MPP7: variants seen among roughly 807,000 people sequenced by gnomAD.
The protein encoded by MPP7 is MAGUK p55 scaffold protein 7, also known as MAGUK p55 subfamily member 7.
In MPP7, 60 loss-of-function variants were observed where a neutral mutation model predicts 76.5. The observed-to-expected ratio is 0.78, with a 90% CI of 0.64 to 0.97. The LOEUF (loss-of-function observed/expected upper bound fraction) is 0.97. Among genes scored for constraint, MPP7 ranks in the 50% least tolerant of loss-of-function variants. The pLI is 0.00. For synonymous variants in MPP7, 237 were observed against 244.5 expected, an observed-to-expected ratio of 0.97 and a Z score of 0.29; for missense variants, 641 against 694.0, an observed-to-expected ratio of 0.92 and a Z score of 0.86.
intron 3 of MPP7, among the ~76,000 whole-genome samples, chr10:28,152,279 T>C (rs1209830713): frequency 6.6e-6 from 1 of 152,192 alleles, no homozygotes; most frequent in Non-Finnish European, 1.5e-5. Context: ...TTTTAAATGT[T>C]CTAGAATTTC....
At chr10:28,084,980 C>G (rs937104777) in intron 12 of MPP7, among the ~76,000 whole-genome samples, 8 of 152,132 alleles carry the variant, frequency 5.3e-5, no homozygotes, top group African/African-American at 1.9e-4. Context: ...TAGACGTGGG[C>G]AGGATTCAAG....
At chr10:28,200,961 CCACA>C (rs1324977965) in intron 3 of MPP7, among the ~76,000 whole-genome samples, 1 of 152,140 alleles carries the variant, frequency 6.6e-6, no homozygotes, top group African/African-American at 2.4e-5. Context: ...TATCCAACTT[CCACA>C]CAGTCAACTT....
At chr10:28,075,762 G>A (rs575224705) in intron 12 of MPP7, among the ~76,000 whole-genome samples, 33 of 152,224 alleles carry the variant, frequency 2.2e-4, no homozygotes, top group Admixed American at 1.9e-3. Flanking sequence ...TTAGGTTCCC[G>A]AGTTCATGTG....
chr10:28,072,507 A>C (rs1463166922), intron 12 of MPP7, among the ~76,000 whole-genome samples: 1 of 152,202 alleles, frequency 6.6e-6, no homozygotes, highest in Non-Finnish European at 1.5e-5. Flanking sequence ...GTTCCCTAAC[A>C]ATGTCCATAA....
At chr10:28,286,219 G>A (rs920704979) in intron 1 of MPP7, among the ~76,000 whole-genome samples, 16 of 151,958 alleles carry the variant, frequency 1.1e-4, no homozygotes, top group South Asian at 8.3e-4. Flanking sequence ...GGTGGTGGTC[G>A]CCTGTGGTCC....
intron 2 of MPP7, among the ~76,000 whole-genome samples, chr10:28,209,245 G>A (rs1309596581): frequency 6.6e-6 from 1 of 152,086 alleles, no homozygotes; most frequent in East Asian, 1.9e-4. Context: ...CAGGAATATC[G>A]CTTGAGGCCA....
chr10:28,101,791 A>T (rs1032928582), intron 11 of MPP7, among the ~76,000 whole-genome samples: 17 of 152,086 alleles, frequency 1.1e-4, no homozygotes, highest in African/African-American at 3.9e-4. Context: ...CTTCATATGG[A>T]TTATTTTGTA....
chr10:28,097,397 GATGACTGGCAC>G (rs1853620614), intron 11 of MPP7, among the ~76,000 whole-genome samples: 1 of 152,114 alleles, frequency 6.6e-6, no homozygotes, highest in South Asian at 2.1e-4. Context: ...GCACATGTTA[GATGACTGGCAC>G]TACTCAAAGC....
At chr10:28,276,993 G>A (rs897011133) in intron 1 of MPP7, among the ~76,000 whole-genome samples, 6 of 151,792 alleles carry the variant, frequency 4.0e-5, no homozygotes, top group Admixed American at 3.3e-4. Context: ...AGGAGTTTGA[G>A]ACCAGCTTGG....
intron 1 of MPP7, among the ~76,000 whole-genome samples, chr10:28,244,527 G>A (rs1224902392): frequency 6.6e-6 from 1 of 151,988 alleles, no homozygotes; most frequent in African/African-American, 2.4e-5. Flanking sequence ...GATTATGAAG[G>A]ATCAAAATGT....
chr10:28,238,750 A>G lies in MPP7; in HGVS notation c.-131-15T>C. 1.4e-6 allele frequency: 1 copy of G among 724,554 alleles called. No homozygotes were observed. Among genetic ancestry groups the G allele is most frequent in the South Asian group, 1.8e-5 (1 of 55,834 alleles). 44.9% of individuals were successfully genotyped at this position (724,554 alleles called of 1,614,324 possible). ...GTAAGCCGTTTCTAGAAAGGAAAGAAACATTTATATTTTTTAAAAAGGGAC... is the reference window on the plus strand; with the variant it reads ...GTAAGCCGTTTCTAGAAAGGAAAGAGACATTTATATTTTTTAAAAAGGGAC... On this transcript the variant is annotated splice_polypyrimidine_tract_variant and intron_variant, in intron 1 of 16. Coordinates refer to ENST00000683449, the MANE Select transcript of MPP7 (RefSeq NM_001318170.2).
At chr10:28,120,762 C>G in intron 8 of MPP7, 94 bp from the exon 9 acceptor site, 5 of 933,882 alleles carry the variant, frequency 5.4e-6, no homozygotes, top group Middle Eastern at 2.2e-4. Context: ...TGAAAATTTA[C>G]AAGCTTGGGG....
At chr10:28,167,753 T>C (rs1321689203) in intron 3 of MPP7, among the ~76,000 whole-genome samples, 1 of 152,236 alleles carries the variant, frequency 6.6e-6, no homozygotes, top group Non-Finnish European at 1.5e-5. Context: ...TAAATATTTT[T>C]ACGTTAACAT....
At position 28,260,744 on chromosome 10, in the gene MPP7, C is replaced by CTT. The variant is rs1289149389; in HGVS notation, c.-131-22011_-131-22010dup. ...CCAAGATTGTGCTGCTGCACTCCAG[C>CTT]TTGGGTAACAGAGAGACTCCATCTC... On this transcript the variant is annotated intron_variant, in intron 1 of 16. Coordinates refer to ENST00000683449, the MANE Select transcript of MPP7 (RefSeq NM_001318170.2). 8.8e-5 allele frequency among the ~76,000 whole-genome samples: 11 copies of CTT among 124,758 alleles called. No homozygotes were observed. The East Asian group carries it at 1.5e-3, about 17-fold the overall frequency. The allele number at this position is 124,758 out of a possible 152,430, so 81.8% of individuals were successfully genotyped here.
intron 2 of MPP7, among the ~76,000 whole-genome samples, chr10:28,232,078 C>A (rs1430863023): frequency 3.9e-5 from 6 of 152,198 alleles, no homozygotes; most frequent in African/African-American, 1.4e-4. Flanking sequence ...AGTGTAAGGC[C>A]AGGCACAATA....
At chr10:28,058,056 T>C (rs1488674124) in intron 15 of MPP7, among the ~76,000 whole-genome samples, 1 of 152,010 alleles carries the variant, frequency 6.6e-6, no homozygotes, top group Non-Finnish European at 1.5e-5. Flanking sequence ...TAGTGGGGGG[T>C]TATTTGCTAG....
chr10:28,083,330 C>A (rs74797754), intron 12 of MPP7, among the ~76,000 whole-genome samples: 1 of 152,032 alleles, frequency 6.6e-6, no homozygotes, highest in Admixed American at 6.6e-5. Flanking sequence ...ATCACCAGAT[C>A]CCACTGTACA....
At chr10:28,222,021 G>C (rs191153768) in intron 2 of MPP7, among the ~76,000 whole-genome samples, 276 of 152,176 alleles carry the variant, frequency 1.8e-3, no homozygotes, top group Admixed American at 3.3e-3. Flanking sequence ...AGAGGAAAAG[G>C]TCATGTTGTT....
intron 15 of MPP7, chr10:28,057,685 C>A (rs527949952): frequency 4.1e-6 from 5 of 1,233,760 alleles, no homozygotes; most frequent in African/African-American, 4.1e-5. Context: ...CAACAAGGGA[C>A]TAACACAGTG....
Sources: allele counts gnomAD v4.1 joint callset (sites outside exome capture counted in the v4.1 genomes callset), GRCh38; gene constraint gnomAD v4.1.1; transcripts MANE v1.5; gene names NCBI Gene and HGNC (gene_info 2026-07-23, HGNC 2026-07-21).